FOXP2: variants seen among roughly 807,000 people sequenced by gnomAD.
The protein encoded by FOXP2 is forkhead box protein P2.
A neutral mutation model predicts 115.8 loss-of-function variants in FOXP2; 12 were observed. The ratio of observed to expected loss-of-function variants is 0.10; its 90% CI spans 0.07 to 0.17. The LOEUF is 0.17. FOXP2 is among the 10% of genes least tolerant of loss of function. FOXP2 has a pLI of 1.00. For synonymous variants in FOXP2, 328 were observed against 297.7 expected (o/e 1.10, Z -1.05); for missense variants, 629 against 843.5 (o/e 0.75, Z 3.15).
At chr7:114,339,145 G>T (rs963122550) in intron 2 of FOXP2, among the ~76,000 whole-genome samples, 2 of 151,082 alleles carry the variant, frequency 1.3e-5, no homozygotes, top group African/African-American at 4.8e-5. Context: ...GTTGAGGTCT[G>T]CAACCTTTTC....
At chr7:114,558,695 C>G (rs974363157) in intron 3 of FOXP2, among the ~76,000 whole-genome samples, 3 of 152,132 alleles carry the variant, frequency 2.0e-5, no homozygotes, top group African/African-American at 7.2e-5. Context: ...TCCATTTATT[C>G]TTACCTAGAG....
At chr7:114,413,146 T>C (rs1439955835), upstream of FOXP2, among the ~76,000 whole-genome samples, 1 of 152,130 alleles carries the variant, frequency 6.6e-6, no homozygotes, top group East Asian at 1.9e-4. Context: ...GTTATTTGAC[T>C]GATGTGATAA....
At chr7:114,180,000 G>A (rs1258445761) in intron 1 of FOXP2, among the ~76,000 whole-genome samples, 1 of 151,924 alleles carries the variant, frequency 6.6e-6, no homozygotes, top group Non-Finnish European at 1.5e-5. Context: ...ATTGAATAAA[G>A]TACTGGCTGA....
intron 16 of FOXP2, among the ~76,000 whole-genome samples, chr7:114,685,149 G>A (rs1038843019): frequency 1.3e-5 from 2 of 152,076 alleles, no homozygotes; most frequent in Admixed American, 1.3e-4. Flanking sequence ...CCCTCTCCCA[G>A]TGGTGCATGT....
At position 114,642,779 on chromosome 7, in the gene FOXP2, A is replaced by AATATATATATATATAT. The variant is rs869055954; in HGVS notation, c.989+175_989+190dup. 1.2e-4 allele frequency among the ~76,000 whole-genome samples: 11 copies of AATATATATATATATAT among 91,176 alleles called. No individual in the cohort carries two copies. The East Asian group carries it at 5.3e-3, about 44-fold the overall frequency. 59.8% of individuals were successfully genotyped at this position (91,176 alleles called of 152,430 possible). A position where few individuals can be genotyped will look rare whatever the true frequency, so the allele number is the denominator to read the frequency against. ...AGATTATTTATCTTATTTTATATAT[A>AATATATATATATATAT]ATATATATATATATATATATATATA... On this transcript the variant is annotated intron_variant, in intron 7 of 16. Coordinates refer to ENST00000350908, the MANE Select transcript of FOXP2 (RefSeq NM_014491.4).
chr7:114,169,252 T>G (rs1005698753), intron 1 of FOXP2, among the ~76,000 whole-genome samples: 8 of 152,228 alleles, frequency 5.3e-5, no homozygotes, highest in Admixed American at 5.2e-4. Context: ...CCACAGTCAC[T>G]CAATGCCAGC....
At chr7:114,093,238 A>G (rs1799577989) in intron 1 of FOXP2, among the ~76,000 whole-genome samples, 1 of 152,188 alleles carries the variant, frequency 6.6e-6, no homozygotes, top group African/African-American at 2.4e-5. Context: ...TTTCTCTGGA[A>G]TGATCTATCC....
chr7:114,456,828 A>G (rs566111379), intron 2 of FOXP2, among the ~76,000 whole-genome samples: 1 of 152,356 alleles, frequency 6.6e-6, no homozygotes, highest in Admixed American at 6.5e-5. Flanking sequence ...TATGCAGTGG[A>G]ATATTATTCA....
chr7:114,189,617 T>A (rs917990074), intron 1 of FOXP2, among the ~76,000 whole-genome samples: 5 of 152,172 alleles, frequency 3.3e-5, no homozygotes, highest in Admixed American at 2.6e-4. Flanking sequence ...TTATCCTGAA[T>A]AACCTTATGA....
intron 8 of FOXP2, among the ~76,000 whole-genome samples, chr7:114,651,759 A>G (rs1446347293): frequency 3.9e-5 from 6 of 152,108 alleles, no homozygotes; most frequent in Non-Finnish European, 8.8e-5. Flanking sequence ...AATTCATACC[A>G]CATCCCAATG....
chr7:114,657,249 T>C (rs1806638344), intron 10 of FOXP2, among the ~76,000 whole-genome samples: 1 of 152,186 alleles, frequency 6.6e-6, no homozygotes, highest in African/African-American at 2.4e-5. Flanking sequence ...AAGGGCACAC[T>C]GTTAAACAGC....
chr7:114,610,768 G>T (rs2129317897), intron 3 of FOXP2, among the ~76,000 whole-genome samples: 1 of 151,442 alleles, frequency 6.6e-6, no homozygotes, highest in South Asian at 2.1e-4. Context: ...CCAAATATCT[G>T]GGATCACAGA....
upstream of FOXP2, among the ~76,000 whole-genome samples, chr7:114,160,437 A>G (rs187724315): frequency 2.9e-3 from 442 of 152,274 alleles, no homozygotes; most frequent in Middle Eastern, 0.014. Flanking sequence ...CTTTCTTTGT[A>G]TATGGTGAAT....
At chr7:114,651,177 C>A (rs1334866318) in intron 8 of FOXP2, among the ~76,000 whole-genome samples, 1 of 151,986 alleles carries the variant, frequency 6.6e-6, no homozygotes, top group African/African-American at 2.4e-5. Flanking sequence ...CTAAATGATA[C>A]TTGAGCCCAC....
At chr7:114,561,113 A>T (rs1389687908) in intron 3 of FOXP2, 1 of 152,176 alleles carries the variant, frequency 6.6e-6, no homozygotes, top group African/African-American at 2.4e-5. Flanking sequence ...AACTTGTATC[A>T]CCCGCCCTTG....
At chr7:114,642,842 T>G (rs1805649915) in intron 7 of FOXP2, among the ~76,000 whole-genome samples, 1 of 134,334 alleles carries the variant, frequency 7.4e-6, no homozygotes, top group Non-Finnish European at 1.6e-5. Context: ...AGAGTCTTGC[T>G]CTGTCACCCA....
intron 2 of FOXP2, among the ~76,000 whole-genome samples, chr7:114,493,699 C>T (rs1410750333): frequency 6.6e-6 from 1 of 152,008 alleles, no homozygotes; most frequent in Non-Finnish European, 1.5e-5. Context: ...CTCACATACA[C>T]ACACACTCTT....
At chr7:114,456,285 A>G (rs1795309511) in intron 2 of FOXP2, among the ~76,000 whole-genome samples, 1 of 152,342 alleles carries the variant, frequency 6.6e-6, no homozygotes, top group South Asian at 2.1e-4. Flanking sequence ...TTTGAATGCC[A>G]TGCTCTAGAG....
intron 1 of FOXP2, among the ~76,000 whole-genome samples, chr7:114,145,989 A>G (rs951097722): frequency 6.6e-6 from 1 of 152,154 alleles, no homozygotes; most frequent in African/African-American, 2.4e-5. Flanking sequence ...TCTGTATTCT[A>G]TATGTGTTTA....
Sources: gnomAD v4.1 joint callset for allele counts (sites outside exome capture counted in the v4.1 genomes callset) on GRCh38, gnomAD v4.1.1 for gene constraint, MANE v1.5 for transcripts, NCBI Gene and HGNC (gene_info 2026-07-23, HGNC 2026-07-21) for gene names.